HSD17B4: variants seen among roughly 807,000 people sequenced by gnomAD.
HSD17B4 encodes the protein peroxisomal multifunctional enzyme type 2.
In HSD17B4, 70 loss-of-function variants were observed where a neutral mutation model predicts 101.0. That is an observed-to-expected ratio of 0.69 (90% CI 0.57 to 0.85). The LOEUF (loss-of-function observed/expected upper bound fraction) is 0.85. Ranked by LOEUF, HSD17B4 falls within the 40% of genes least tolerant of loss-of-function variation. HSD17B4 has a pLI of 0.00. For synonymous variants in HSD17B4, 347 were observed against 297.1 expected, an observed-to-expected ratio of 1.17 and a Z score of -1.73; for missense variants, 984 against 892.4, an observed-to-expected ratio of 1.10 and a Z score of -1.31.
chr5:119,452,849 G>A (rs1272428809), intron 1 of HSD17B4: 2 of 1,535,616 alleles, frequency 1.3e-6, no homozygotes, highest in Non-Finnish European at 1.7e-6. Flanking sequence ...CCAGCACCCC[G>A]GTGTGGGCTT....
chr5:119,497,758 A>G (rs185684670), intron 12 of HSD17B4, among the ~76,000 whole-genome samples: 3 of 152,350 alleles, frequency 2.0e-5, no homozygotes, highest in African/African-American at 7.2e-5. Context: ...ACTGTATAAA[A>G]TATGTACTAA....
intron 17 of HSD17B4, among the ~76,000 whole-genome samples, chr5:119,520,538 C>T (rs541812937): frequency 5.3e-5 from 8 of 152,292 alleles, no homozygotes; most frequent in South Asian, 2.1e-4. Flanking sequence ...TTGCTATATT[C>T]GAGATTTCTG....
intron 23 of HSD17B4, among the ~76,000 whole-genome samples, chr5:119,539,511 C>T (rs1012155700): frequency 2.0e-5 from 3 of 151,612 alleles, no homozygotes; most frequent in Admixed American, 2.0e-4. Flanking sequence ...TGCAGCACAC[C>T]AACATGGCAC....
intron 12 of HSD17B4, among the ~76,000 whole-genome samples, chr5:119,497,390 T>C (rs1750745412): frequency 6.6e-6 from 1 of 152,208 alleles, no homozygotes; most frequent in Non-Finnish European, 1.5e-5. Flanking sequence ...AGTCCAGATA[T>C]GTATGCCTGC....
chr5:119,471,359 AT>A, intron 2 of HSD17B4, among the ~76,000 whole-genome samples: 1 of 152,286 alleles, frequency 6.6e-6, no homozygotes, highest in Non-Finnish European at 1.5e-5. Flanking sequence ...TCAAAAAAAA[AT>A]CTCAGTCCAC....
chr5:119,478,390 ATTTAT>A (rs1748794858), intron 7 of HSD17B4, among the ~76,000 whole-genome samples: 1 of 152,098 alleles, frequency 6.6e-6, no homozygotes, highest in Non-Finnish European at 1.5e-5. Context: ...AAATAATATG[ATTTAT>A]TTTACTTAGC....
At chr5:119,453,202 A>G (rs927176178) in intron 1 of HSD17B4, among the ~76,000 whole-genome samples, 4 of 152,184 alleles carry the variant, frequency 2.6e-5, no homozygotes, top group South Asian at 2.1e-4. Context: ...GCAAGTCACA[A>G]TCTGTTCTCG....
chr5:119,508,722 T>C (rs757239015), intron 15 of HSD17B4, among the ~76,000 whole-genome samples: 1 of 152,248 alleles, frequency 6.6e-6, no homozygotes, highest in Non-Finnish European at 1.5e-5. Flanking sequence ...TCATGTGGCT[T>C]ATACCTTCAT....
chr5:119,534,101 T>C (rs930149448), intron 22 of HSD17B4, among the ~76,000 whole-genome samples: 13 of 152,122 alleles, frequency 8.5e-5, no homozygotes, highest in African/African-American at 3.1e-4. Context: ...TTGTTTTCTT[T>C]AGGATGATAG....
At chr5:119,491,101 A>G (rs1442781941) in intron 9 of HSD17B4, among the ~76,000 whole-genome samples, 1 of 152,180 alleles carries the variant, frequency 6.6e-6, no homozygotes, top group Non-Finnish European at 1.5e-5. Flanking sequence ...GCAGATACAA[A>G]TATTTTTTGG....
At chr5:119,540,463 A>AT (rs953383909) in intron 23 of HSD17B4, among the ~76,000 whole-genome samples, 1 of 152,108 alleles carries the variant, frequency 6.6e-6, no homozygotes, top group South Asian at 2.1e-4. Context: ...CAAAATTGAT[A>AT]TTTTTACTTC....
chr5:119,498,048 A>T (rs1483560388), intron 12 of HSD17B4, among the ~76,000 whole-genome samples: 2 of 152,192 alleles, frequency 1.3e-5, no homozygotes, highest in Non-Finnish European at 2.9e-5. Context: ...GAAATTCGAG[A>T]ACAATTGTGA....
intron 16 of HSD17B4, among the ~76,000 whole-genome samples, chr5:119,512,998 GT>G (rs1229695115): frequency 6.6e-6 from 1 of 152,170 alleles, no homozygotes; most frequent in Admixed American, 6.5e-5. Context: ...CAGTAAAGCT[GT>G]TTGAAAAATT....
intron 1 of HSD17B4, 106 bp downstream of exon 1, chr5:119,452,739 G>C: frequency 6.3e-7 from 1 of 1,598,272 alleles, no homozygotes; most frequent in Non-Finnish European, 8.5e-7. Flanking sequence ...CCCCGCTGAG[G>C]TGGTGGGGAG....
At chr5:119,473,273 C>CTTTTTTT (rs11408993) in intron 2 of HSD17B4, among the ~76,000 whole-genome samples, 2 of 36,956 alleles carry the variant, frequency 5.4e-5, no homozygotes, top group Non-Finnish European at 9.3e-5. Context: ...GTGGATGAAT[C>CTTTTTTT]TTTTTTTTTT....
In HSD17B4 at chr5:119,496,701, T is replaced by G. The variant is rs565489645; in HGVS notation, c.972+55T>G. On this transcript the variant is annotated intron_variant, in intron 12 of 23. Transcript: ENST00000510025. ...CCTTCTCTGGAGACTTTCCCTCCCTTCTTCCCTCCCTGCTTTCTTCCTCCC... is the reference window on the plus strand; with the variant it reads ...CCTTCTCTGGAGACTTTCCCTCCCTGCTTCCCTCCCTGCTTTCTTCCTCCC... 2.3e-4 allele frequency: 210 copies of G among 910,896 alleles called. 1 individual carries two copies. Among genetic ancestry groups the G allele is most frequent in the Non-Finnish European group, 9.2e-6 (5 of 543,426 alleles). 56.4% of individuals were successfully genotyped at this position (910,896 alleles called of 1,614,324 possible). A position where few individuals can be genotyped will look rare whatever the true frequency, so the allele number is the denominator to read the frequency against.
At chr5:119,510,798 C>A (rs149529915) in intron 16 of HSD17B4, among the ~76,000 whole-genome samples, 152 of 152,296 alleles carry the variant, frequency 1.0e-3, no homozygotes, top group Non-Finnish European at 1.2e-3. Context: ...GCGTTTGCAG[C>A]CAAGAACGTA....
rs777299565 is a variant in HSD17B4, at chr5:119,502,038, T to C, written c.1210-3T>C. 3 of 1,600,780 alleles carry C rather than the reference T, an allele frequency of 1.9e-6. No homozygotes were observed. Among genetic ancestry groups the C allele is most frequent in the Non-Finnish European group, 1.7e-6 (2 of 1,168,070 alleles). ...TAATAAAATTTTGTTTACCCTAACA[T>C]AGGTTCTTCATGGAGAGCAGTACTT... On this transcript the variant is annotated splice_polypyrimidine_tract_variant and splice_region_variant and intron_variant, in intron 13 of 23. Transcript: ENST00000510025.
chr5:119,474,798 G>A (rs533529557), intron 4 of HSD17B4, among the ~76,000 whole-genome samples: 17 of 151,926 alleles, frequency 1.1e-4, no homozygotes, highest in African/African-American at 4.1e-4. Flanking sequence ...AGTACCCAGT[G>A]GATTCTTTTG....
Sources: allele counts gnomAD v4.1 joint callset (sites outside exome capture counted in the v4.1 genomes callset), GRCh38; gene constraint gnomAD v4.1.1; transcripts MANE v1.5; gene names NCBI Gene and HGNC (gene_info 2026-07-23, HGNC 2026-07-21).